Variants in TMEM25 observed in about 807,000 individuals in gnomAD.
TMEM25 encodes transmembrane protein 25.
A neutral mutation model predicts 37.0 loss-of-function variants in TMEM25; 36 were observed. The ratio of observed to expected loss-of-function variants is 0.97; its 90% confidence interval spans 0.75 to 1.28. TMEM25 has a LOEUF of 1.28. Ranked by LOEUF, TMEM25 falls within the 50% of genes most tolerant of loss-of-function variation. TMEM25 has a pLI of 0.00. For synonymous variants in TMEM25, 197 were observed against 203.7 expected (o/e 0.97, Z 0.28); for missense variants, 444 against 477.9 (o/e 0.93, Z 0.66).
Position 118,532,179 on chromosome 11 carries a change from G to C in TMEM25, c.100G>C (p.Gly34Arg). The part of the protein sequence containing the change: ...GWGELEPQID[G>R]QTWAERALRE... ...GGGGGAGTTGGAGCCACAAATAGAT[G>C]GTCAGACCTGGGCTGAGCGGGCACT... Residue 34 changes from glycine to arginine, a missense_variant, in exon 3 of 9, where the codon GGT becomes CGT. By Grantham distance (125) the Gly-to-Arg change is moderately radical. Coordinates refer to ENST00000313236, the MANE Select transcript of TMEM25 (RefSeq NM_032780.4). The C allele has an allele frequency of 6.3e-7, 1 of 1,586,952 alleles. No homozygotes were observed. Among genetic ancestry groups the C allele is most frequent in the Non-Finnish European group, 8.6e-7 (1 of 1,165,188 alleles).
chr11:118,544,513 A>C (rs1951628935), intron 8 of TMEM25: 1 of 165,772 alleles, frequency 6.0e-6, no homozygotes. Flanking sequence ...CATATTAAAT[A>C]GCAGAATAAT....
At chr11:118,545,987 A>G in intron 8 of TMEM25, 1 of 755,654 alleles carries the variant, frequency 1.3e-6, no homozygotes, top group Non-Finnish European at 2.4e-6. Context: ...CCTAAAATTC[A>G]GATATTGAGT....
chr11:118,533,199 C>T lies in TMEM25; in HGVS notation c.665C>T (p.Pro222Leu), dbSNP rs782418817. The stretch of plus-strand genomic sequence containing the variant: ...GTGGGTGTCACCAGTGCGTCGCTTC[C>T]AGCCCCAGGTGAGCATGGCCAGCAA... ...NDVGVTSASL[P>L]APGLLATRVE... The change falls in exon 4 of 9, where the codon CCA becomes CTA. Residue 222 changes from proline (P) to leucine (L), a missense_variant. Coordinates refer to ENST00000313236, the MANE Select transcript of TMEM25 (RefSeq NM_032780.4). The T allele has an allele frequency of 1.1e-5, 17 of 1,594,330 alleles. No homozygotes were observed. The highest frequency in any genetic ancestry group is 1.4e-5 in the Non-Finnish European group (17 of 1,174,302).
Position 118,535,458 on chromosome 11 carries a change from G to C in TMEM25, c.*878G>C. Reference sequence around the variant, plus strand: ...GGCTTCCCCACGTTTGGCCTTCTGGGATTCACTGTGAGTGTCCTGAGCTCT... The same window carrying C: ...GGCTTCCCCACGTTTGGCCTTCTGGCATTCACTGTGAGTGTCCTGAGCTCT... On this transcript the variant is annotated 3_prime_UTR_variant, in exon 9 of 9. Transcript: ENST00000313236. 1 of 1,495,992 alleles carries C rather than the reference G, an allele frequency of 6.7e-7. No individual in the cohort carries two copies. Among genetic ancestry groups the C allele is most frequent in the Non-Finnish European group, 8.9e-7 (1 of 1,121,772 alleles). 92.7% of individuals were successfully genotyped at this position (1,495,992 alleles called of 1,614,324 possible).
At chr11:118,531,703 G>A in intron 1 of TMEM25, 72 bp from the exon 2 acceptor site, 1 of 1,136,866 alleles carries the variant, frequency 8.8e-7, no homozygotes, top group Non-Finnish European at 1.2e-6. Context: ...TGTTTCTGGA[G>A]AGTAAATTCC....
intron 8 of TMEM25, chr11:118,545,838 C>T (rs1389392003): frequency 1.2e-6 from 2 of 1,614,156 alleles, no homozygotes; most frequent in Non-Finnish European, 1.7e-6. Context: ...TCAATCTCTG[C>T]CGTGGGCAGG....
At chr11:118,537,043 T>TA (rs1338857177), downstream of TMEM25, among the ~76,000 whole-genome samples, 1 of 152,004 alleles carries the variant, frequency 6.6e-6, no homozygotes, top group Non-Finnish European at 1.5e-5. Context: ...CTCAGCTAAT[T>TA]AAAAAAATTT....
Position 118,534,166 on chromosome 11 carries a change from C to A in TMEM25, c.937+37C>A. On this transcript the variant is annotated intron_variant, in intron 7 of 8. Coordinates refer to ENST00000313236, the MANE Select transcript of TMEM25 (RefSeq NM_032780.4). The surrounding 1 kb of genome is among the most constrained non-coding windows in gnomAD (Gnocchi z 4.6). ...GCCCTGCTCTTTGCCCCTGCTTAAT[C>A]TCCAGAAGTGCTTCTGAGAAAAAGA... 4 of 1,613,318 alleles carry A rather than the reference C, an allele frequency of 2.5e-6. No individual in the cohort carries two copies. Among genetic ancestry groups the A allele is most frequent in the Middle Eastern group, 1.6e-4 (1 of 6,062 alleles).
At chr11:118,545,847 G>A in intron 8 of TMEM25, 1 of 1,614,184 alleles carries the variant, frequency 6.2e-7, no homozygotes, top group Non-Finnish European at 8.5e-7. Context: ...GCCGTGGGCA[G>A]GCTTACCTGG....
intron 8 of TMEM25, among the ~76,000 whole-genome samples, chr11:118,543,852 G>A (rs1454552914): frequency 6.7e-6 from 1 of 148,334 alleles, no homozygotes; most frequent in Non-Finnish European, 1.5e-5. Flanking sequence ...TGTTGCCCAA[G>A]CTGGAGTGCA....
At position 118,532,240 on chromosome 11, in the gene TMEM25, TG is replaced by T. The variant is rs1434946255; in HGVS notation, c.163del (p.Ala55GlnfsTer26). On this transcript the variant is annotated frameshift_variant, in exon 3 of 9. Coordinates refer to ENST00000313236, the MANE Select transcript of TMEM25 (RefSeq NM_032780.4). LOFTEE classifies it high-confidence loss of function. Reference protein sequence around the residue: ...ENERHAFTCRVAGGPGTPRLA... With the variant: ...ENERHAFTCRXAGGPGTPRLA... Reference sequence around the variant, plus strand: ...GAACGCCACGCCTTCACCTGCCGGGTGGCAGGGGGGCCTGGCACCCCCAGAT... The same window carrying T: ...GAACGCCACGCCTTCACCTGCCGGGTGCAGGGGGGCCTGGCACCCCCAGAT... 2 of 1,613,340 alleles carry T rather than the reference TG, an allele frequency of 1.2e-6. No individual in the cohort carries two copies. The highest frequency in any genetic ancestry group is 1.7e-6 in the Non-Finnish European group (2 of 1,179,506).
At chr11:118,536,436 A>G (rs1043076100), downstream of TMEM25, among the ~76,000 whole-genome samples, 1 of 146,858 alleles carries the variant, frequency 6.8e-6, no homozygotes, top group Non-Finnish European at 1.5e-5. Flanking sequence ...CAGGTGATCC[A>G]CCCGCCTCAG....
intron 8 of TMEM25, chr11:118,544,792 C>A: frequency 1.4e-6 from 1 of 690,438 alleles, no homozygotes. Flanking sequence ...GGCAGCAGGA[C>A]ATGCACTGCC....
At chr11:118,541,461 CA>C (rs1216078404) in intron 8 of TMEM25, among the ~76,000 whole-genome samples, 65 of 32,876 alleles carry the variant, frequency 2.0e-3, no homozygotes, top group South Asian at 2.8e-3. Flanking sequence ...GACCCTGTCT[CA>C]AAAAAAAAAA....
In TMEM25 at chr11:118,534,462, G is replaced by A; in HGVS notation, c.1028-45G>A. ...GCAGAGAGAGCTCTCCAAATTCCAAGGAACAAGCGTTACTGAGTCCCCGCG... is the reference window on the plus strand; with the variant it reads ...GCAGAGAGAGCTCTCCAAATTCCAAAGAACAAGCGTTACTGAGTCCCCGCG... On this transcript the variant is annotated intron_variant, in intron 8 of 8. Transcript: ENST00000313236. This position sits in a 1 kb window ranked among gnomAD's most constrained non-coding sequence, Gnocchi z 4.6. The A allele has an allele frequency of 6.2e-7, 1 of 1,612,446 alleles. No homozygotes were observed.
downstream of TMEM25, among the ~76,000 whole-genome samples, chr11:118,538,889 CAAAA>C (rs781943725): frequency 1.2e-5 from 1 of 86,700 alleles, no homozygotes. Context: ...AAGGCCGTCT[CAAAA>C]AAAAAAAAAA....
chr11:118,535,790 G>T lies in TMEM25; in HGVS notation c.*1210G>T, dbSNP rs566996806. The T allele has an allele frequency of 7.6e-5, 98 of 1,286,286 alleles. No homozygotes were observed. The African/African-American group carries it at 1.3e-3, about 17-fold the overall frequency. 79.7% of individuals were successfully genotyped at this position (1,286,286 alleles called of 1,614,324 possible). ...TTTTCATGTTACTGCCTAGGGCGGT[G>T]CTGAGCACACAGCAAGTTTAATAAA... On this transcript the variant is annotated 3_prime_UTR_variant, in exon 9 of 9. Transcript: ENST00000313236.
intron 8 of TMEM25, among the ~76,000 whole-genome samples, chr11:118,541,323 G>A (rs894434505): frequency 1.3e-5 from 2 of 151,916 alleles, no homozygotes; most frequent in Non-Finnish European, 2.9e-5. Flanking sequence ...TTAGCCGAGT[G>A]TGGTGGTGGG....
At position 118,534,618 on chromosome 11, in the gene TMEM25, A is replaced by G. The variant is rs892823641; in HGVS notation, c.*38A>G. The G allele has an allele frequency of 3.7e-6, 6 of 1,609,476 alleles. No homozygotes were observed. The highest frequency in any genetic ancestry group is 1.7e-5 in the Admixed American group (1 of 59,776). On this transcript the variant is annotated 3_prime_UTR_variant, in exon 9 of 9. Transcript: ENST00000313236. The surrounding 1 kb of genome is among the most constrained non-coding windows in gnomAD (Gnocchi z 4.6). ...ACAGGAGTATTCTCTTGGCCTCTGG[A>G]CACCCTCCCGTTCCTCCAAGGCATC...
Sources: allele counts gnomAD v4.1 joint callset (sites outside exome capture counted in the v4.1 genomes callset), GRCh38; gene constraint gnomAD v4.1.1; non-coding constraint Gnocchi (gnomAD v3.1); transcripts MANE v1.5; gene names NCBI Gene and HGNC (gene_info 2026-07-23, HGNC 2026-07-21).